SYNPR: variants seen among roughly 807,000 people sequenced by gnomAD.
SYNPR encodes the protein synaptoporin.
Under a neutral mutation model 32.9 loss-of-function variants are expected in SYNPR, and 23 were observed. That is an observed-to-expected ratio of 0.70 (90% CI 0.50 to 0.99). SYNPR has a LOEUF of 0.99. Among genes scored for constraint, SYNPR ranks in the 50% least tolerant of loss-of-function variants. The pLI is 0.00. For missense variants in SYNPR, 318 were observed against 349.3 expected (o/e 0.91, Z 0.71); for synonymous variants, 146 against 135.9 (o/e 1.07, Z -0.52).
At chr3:63,297,034 T>G (rs903118923) in intron 2 of SYNPR, among the ~76,000 whole-genome samples, 1 of 152,192 alleles carries the variant, frequency 6.6e-6, no homozygotes, top group Non-Finnish European at 1.5e-5. Flanking sequence ...ATAATAAAAT[T>G]AAATAGCTAG....
chr3:63,354,976 CT>C (rs1379228151), intron 2 of SYNPR, among the ~76,000 whole-genome samples: 1 of 152,150 alleles, frequency 6.6e-6, no homozygotes, highest in African/African-American at 2.4e-5. Flanking sequence ...TGAAGAGTAT[CT>C]TACCTAAAGT....
At chr3:63,563,137 T>G (rs1371655676) in intron 4 of SYNPR, among the ~76,000 whole-genome samples, 2 of 152,218 alleles carry the variant, frequency 1.3e-5, no homozygotes, top group African/African-American at 4.8e-5. Flanking sequence ...TTCACAGTTC[T>G]GTCTTCCTCC....
At chr3:63,380,022 A>C (rs1055689323) in intron 2 of SYNPR, among the ~76,000 whole-genome samples, 16 of 152,016 alleles carry the variant, frequency 1.1e-4, no homozygotes, top group African/African-American at 3.6e-4. Context: ...TGAACTCATC[A>C]TTTTTTATGG....
At chr3:63,383,563 A>G (rs1359042744) in intron 2 of SYNPR, among the ~76,000 whole-genome samples, 1 of 152,112 alleles carries the variant, frequency 6.6e-6, no homozygotes, top group Non-Finnish European at 1.5e-5. Flanking sequence ...CTAAAATACA[A>G]AAAATTAGCC....
chr3:63,572,057 A>G (rs775079466), intron 4 of SYNPR, among the ~76,000 whole-genome samples: 6 of 152,198 alleles, frequency 3.9e-5, no homozygotes, highest in Non-Finnish European at 7.3e-5. Context: ...CTCTTTAACT[A>G]AAATTCAAAC....
intron 1 of SYNPR, among the ~76,000 whole-genome samples, chr3:63,230,937 T>G (rs1575570743): frequency 6.6e-6 from 1 of 152,178 alleles, no homozygotes; most frequent in East Asian, 1.9e-4. Context: ...AAGAGACTCC[T>G]TTTTAAAAGG....
intron 2 of SYNPR, among the ~76,000 whole-genome samples, chr3:63,266,707 C>A (rs868104354): frequency 6.3e-4 from 76 of 120,370 alleles, no homozygotes; most frequent in Non-Finnish European, 6.9e-4. Context: ...AACTCCGTCT[C>A]AAAAAAAAAA....
intron 3 of SYNPR, among the ~76,000 whole-genome samples, chr3:63,515,239 C>T (rs1170560615): frequency 6.6e-6 from 1 of 152,068 alleles, no homozygotes; most frequent in Non-Finnish European, 1.5e-5. Context: ...CTTTGCCCTA[C>T]ATTTCTATGT....
chr3:63,475,039 C>T (rs1700874187), intron 2 of SYNPR, among the ~76,000 whole-genome samples: 1 of 152,250 alleles, frequency 6.6e-6, no homozygotes, highest in South Asian at 2.1e-4. Flanking sequence ...AGCTGCTTGC[C>T]CTTTTCCCAG....
intron 2 of SYNPR, among the ~76,000 whole-genome samples, chr3:63,292,551 T>TA (rs1254514006): frequency 6.6e-6 from 1 of 152,220 alleles, no homozygotes; most frequent in East Asian, 1.9e-4. Context: ...ACACATTACT[T>TA]AACCTCTTTG....
At chr3:63,415,082 C>CA (rs1196750028) in intron 2 of SYNPR, among the ~76,000 whole-genome samples, 5 of 152,162 alleles carry the variant, frequency 3.3e-5, no homozygotes, top group Non-Finnish European at 5.9e-5. Context: ...TGAGTTATAA[C>CA]AAAAAAATCA....
chr3:63,254,596 T>G (rs946726132), intron 2 of SYNPR, among the ~76,000 whole-genome samples: 12 of 152,176 alleles, frequency 7.9e-5, no homozygotes, highest in African/African-American at 2.9e-4. Flanking sequence ...GTCTTGCAAT[T>G]GTGGGAATTT....
rs2087431599 is a variant in SYNPR, at chr3:63,345,903, C to A, written c.84+67161C>A. ...AATCTCAGCTCACTGCAACCTCCATCTCCCAAGTTCAAGCGATTCCCCTGC... is the reference window on the plus strand; with the variant it reads ...AATCTCAGCTCACTGCAACCTCCATATCCCAAGTTCAAGCGATTCCCCTGC... On this transcript the variant is annotated intron_variant, in intron 2 of 5. Coordinates refer to ENST00000478300, the MANE Select transcript of SYNPR (RefSeq NM_001130003.2). Among the ~76,000 whole-genome samples, 2 of 152,014 alleles carry A rather than the reference C, an allele frequency of 1.3e-5. 1 individual carries two copies. The highest frequency in any genetic ancestry group is 4.1e-4 in the South Asian group (2 of 4,820).
intron 1 of SYNPR, among the ~76,000 whole-genome samples, chr3:63,240,588 T>C (rs9833884): frequency 0.016 from 2,412 of 152,110 alleles, 51 homozygotes; most frequent in African/African-American, 0.054. Flanking sequence ...GATTGATAAA[T>C]GACAATTACT....
chr3:63,583,248 G>A (rs956697887), intron 4 of SYNPR, among the ~76,000 whole-genome samples: 1 of 152,054 alleles, frequency 6.6e-6, no homozygotes, highest in Non-Finnish European at 1.5e-5. Flanking sequence ...GTTAAGGCAG[G>A]AGATGGCTGT....
At chr3:63,287,200 T>C (rs938907619) in intron 2 of SYNPR, among the ~76,000 whole-genome samples, 1 of 152,210 alleles carries the variant, frequency 6.6e-6, no homozygotes, top group Non-Finnish European at 1.5e-5. Context: ...TTAACTCTCA[T>C]ACCAAGAGAC....
intron 4 of SYNPR, among the ~76,000 whole-genome samples, chr3:63,599,943 C>T (rs1700014383): frequency 6.6e-6 from 1 of 152,066 alleles, no homozygotes; most frequent in South Asian, 2.1e-4. Flanking sequence ...GATATGTGGA[C>T]AAAATCAAAA....
intron 2 of SYNPR, among the ~76,000 whole-genome samples, chr3:63,335,246 G>C (rs1369337470): frequency 6.6e-6 from 1 of 151,774 alleles, no homozygotes; most frequent in East Asian, 1.9e-4. Context: ...CCAGCTACTC[G>C]GGAGGCTGAG....
At chr3:63,614,056 G>A (rs12496593) in intron 5 of SYNPR, among the ~76,000 whole-genome samples, 115,598 of 151,852 alleles carry the variant, frequency 0.76, 44,054 homozygotes, top group South Asian at 0.79. Flanking sequence ...ACAGGCCACT[G>A]TGGATCATCT....
Sources: gnomAD v4.1 joint callset for allele counts (sites outside exome capture counted in the v4.1 genomes callset) on GRCh38, gnomAD v4.1.1 for gene constraint, MANE v1.5 for transcripts, NCBI Gene and HGNC (gene_info 2026-07-23, HGNC 2026-07-21) for gene names.